FAM81A: variants seen among roughly 807,000 people sequenced by gnomAD.
FAM81A encodes protein FAM81A.
FAM81A carries 19 observed loss-of-function variants against 46.7 expected under a neutral mutation model. The ratio of observed to expected loss-of-function variants is 0.41; its 90% CI spans 0.28 to 0.60. The LOEUF (loss-of-function observed/expected upper bound fraction) is 0.60. FAM81A is among the 20% of genes least tolerant of loss of function. The pLI is 0.34. For synonymous variants in FAM81A, 183 were observed against 152.9 expected, an observed-to-expected ratio of 1.20 and a Z score of -1.45; for missense variants, 377 against 453.5, an observed-to-expected ratio of 0.83 and a Z score of 1.53.
chr15:59,405,267 T>A (rs193015652), intron 2 of FAM81A, among the ~76,000 whole-genome samples: 1 of 152,250 alleles, frequency 6.6e-6, no homozygotes, highest in Admixed American at 6.5e-5. Flanking sequence ...GTATGTGGGA[T>A]GAATGAATGA....
At chr15:59,445,469 A>G (rs1199886631) in intron 1 of FAM81A, 1 of 152,084 alleles carries the variant, frequency 6.6e-6, no homozygotes, top group African/African-American at 2.4e-5. Context: ...ATCTCTGGAA[A>G]AACTCAAGAG....
At position 59,492,644 on chromosome 15, in the gene FAM81A, G is replaced by T. The variant is rs80188346; in HGVS notation, c.413+255G>T. ...TGGGAGAACTCACTCAGCTGACCTT[G>T]TAATTTGATAGGGTAAATACTAAGT... is the stretch of plus-strand genomic sequence containing the variant. On this transcript the variant is annotated intron_variant, in intron 4 of 8. Transcript: ENST00000288228. Among the ~76,000 whole-genome samples the T allele has an allele frequency of 3.3e-5, 5 of 152,262 alleles. No homozygotes were observed. In the East Asian group the frequency reaches 9.6e-4, roughly 29 times the overall value.
At chr15:59,416,734 T>C (rs1463026065) in intron 2 of FAM81A, among the ~76,000 whole-genome samples, 1 of 152,192 alleles carries the variant, frequency 6.6e-6, no homozygotes, top group Admixed American at 6.5e-5. Context: ...TATTCAGCCC[T>C]TGAGTCTGCA....
chr15:59,493,403 C>T (rs868124769), intron 4 of FAM81A, among the ~76,000 whole-genome samples: 1 of 152,150 alleles, frequency 6.6e-6, no homozygotes, highest in Non-Finnish European at 1.5e-5. Flanking sequence ...TCAGGATGAA[C>T]TCCAGTCTCC....
chr15:59,415,105 C>G (rs866593209), intron 2 of FAM81A, among the ~76,000 whole-genome samples: 2 of 150,404 alleles, frequency 1.3e-5, no homozygotes, highest in Non-Finnish European at 3.0e-5. Context: ...CGTGAGCCAC[C>G]GTGCCCAGCC....
At chr15:59,444,120 C>G (rs1209421736) in intron 1 of FAM81A, 1 of 152,298 alleles carries the variant, frequency 6.6e-6, no homozygotes, top group African/African-American at 2.4e-5. Flanking sequence ...TATTTCCCTG[C>G]ATAATGGGAG....
At chr15:59,492,170 G>A (rs1280972363) in intron 3 of FAM81A, 101 bp from the exon 4 acceptor site, 5 of 801,826 alleles carry the variant, frequency 6.2e-6, no homozygotes, top group Middle Eastern at 3.3e-4. Flanking sequence ...TCTTATGAAA[G>A]ACTGAGTTAA....
chr15:59,476,681 T>C (rs1422045482), intron 3 of FAM81A, among the ~76,000 whole-genome samples: 1 of 151,840 alleles, frequency 6.6e-6, no homozygotes, highest in Non-Finnish European at 1.5e-5. Flanking sequence ...TCCCAGCTAC[T>C]TGGGAGGCTG....
At chr15:59,452,278 G>A (rs1283483216) in intron 1 of FAM81A, among the ~76,000 whole-genome samples, 1 of 152,202 alleles carries the variant, frequency 6.6e-6, no homozygotes, top group African/African-American at 2.4e-5. Context: ...CTATTTCAGT[G>A]AAAATGTCCA....
intron 3 of FAM81A, among the ~76,000 whole-genome samples, chr15:59,463,374 A>AT (rs2081575461): frequency 6.6e-6 from 1 of 152,140 alleles, no homozygotes; most frequent in African/African-American, 2.4e-5. Flanking sequence ...TTCTAGTTTT[A>AT]GAGTATATTT....
chr15:59,449,647 T>A (rs555651387), intron 1 of FAM81A, among the ~76,000 whole-genome samples: 1 of 151,870 alleles, frequency 6.6e-6, no homozygotes, highest in African/African-American at 2.4e-5. Context: ...CCGGGCGTGG[T>A]GGCGGGCGCC....
chr15:59,467,574 CCTGAAGTTG>C (rs1204553278), intron 3 of FAM81A, among the ~76,000 whole-genome samples: 1 of 152,046 alleles, frequency 6.6e-6, no homozygotes, highest in Non-Finnish European at 1.5e-5. Context: ...CTGAGACTTT[CCTGAAGTTG>C]CTTATCAGCT....
At chr15:59,410,915 T>C (rs539279265) in intron 2 of FAM81A, among the ~76,000 whole-genome samples, 1 of 152,070 alleles carries the variant, frequency 6.6e-6, no homozygotes, top group African/African-American at 2.4e-5. Flanking sequence ...CACACCCAGC[T>C]AATTTTTGTA....
chr15:59,492,481 C>A, intron 4 of FAM81A, 92 bp downstream of exon 4: 1 of 1,022,252 alleles, frequency 9.8e-7, no homozygotes. Context: ...AGCCCCAAAG[C>A]AAATGGCTTG....
At chr15:59,480,928 A>G (rs1446552183) in intron 3 of FAM81A, among the ~76,000 whole-genome samples, 2 of 152,316 alleles carry the variant, frequency 1.3e-5, no homozygotes, top group African/African-American at 4.8e-5. Context: ...TTCTAGTAAC[A>G]TGAATACTTT....
At chr15:59,462,785 C>CT (rs1287984644) in intron 3 of FAM81A, among the ~76,000 whole-genome samples, 2 of 152,128 alleles carry the variant, frequency 1.3e-5, no homozygotes, top group African/African-American at 4.8e-5. Context: ...TTGTGTCTGG[C>CT]TTTTTTCACT....
intron 8 of FAM81A, among the ~76,000 whole-genome samples, chr15:59,519,887 T>A (rs1396034804): frequency 1.3e-5 from 2 of 152,160 alleles, no homozygotes; most frequent in African/African-American, 4.8e-5. Context: ...TGCAGATATC[T>A]TTATGAGGCA....
intron 2 of FAM81A, among the ~76,000 whole-genome samples, chr15:59,422,860 A>C (rs193212395): frequency 2.5e-3 from 388 of 152,364 alleles, no homozygotes; most frequent in Non-Finnish European, 4.1e-3. Flanking sequence ...AGTGGTTCAT[A>C]AGAAATTTCT....
chr15:59,426,482 G>A (rs538116529), intron 2 of FAM81A, among the ~76,000 whole-genome samples: 38 of 152,226 alleles, frequency 2.5e-4, no homozygotes, highest in Non-Finnish European at 4.7e-4. Context: ...GCGTGGTGGC[G>A]CATGCCTGTA....
Sources: allele counts gnomAD v4.1 joint callset (sites outside exome capture counted in the v4.1 genomes callset), GRCh38; gene constraint gnomAD v4.1.1; transcripts MANE v1.5; gene names NCBI Gene and HGNC (gene_info 2026-07-23, HGNC 2026-07-21).